Variants in CPO observed in about 807,000 individuals in gnomAD.
CPO encodes carboxypeptidase O.
In CPO, 43 loss-of-function variants were observed where a neutral mutation model predicts 41.2. The ratio of observed to expected loss-of-function variants is 1.04; its 90% CI spans 0.82 to 1.35. The LOEUF (loss-of-function observed/expected upper bound fraction) is 1.35, where lower values mean the gene tolerates loss of function less well. CPO is among the 40% of genes most tolerant of loss of function. The pLI, the probability that CPO is intolerant of heterozygous loss-of-function variation, is 0.00. For missense variants in CPO, 408 were observed against 451.7 expected (o/e 0.90, Z 0.88); for synonymous variants, 178 against 162.7 (o/e 1.09, Z -0.72).
intron 1 of CPO, among the ~76,000 whole-genome samples, chr2:206,946,620 C>A (rs1693150012): frequency 6.6e-6 from 1 of 151,686 alleles, no homozygotes; most frequent in African/African-American, 2.4e-5. Context: ...TGTAATAAGA[C>A]AAGAAAATAA....
At chr2:206,944,036 A>G (rs1271268643) in intron 1 of CPO, among the ~76,000 whole-genome samples, 1 of 152,088 alleles carries the variant, frequency 6.6e-6, no homozygotes, top group African/African-American at 2.4e-5. Context: ...TATTGTCTTA[A>G]GTAGATTTTT....
intron 6 of CPO, 108 bp downstream of exon 6, chr2:206,961,050 A>G: frequency 1.3e-6 from 1 of 786,226 alleles, no homozygotes; most frequent in South Asian, 1.6e-5. Flanking sequence ...AATATGGTAC[A>G]GCTTTCTGGG....
intron 7 of CPO, among the ~76,000 whole-genome samples, chr2:206,965,461 ATAC>A (rs545960754): frequency 3.4e-4 from 52 of 152,348 alleles, no homozygotes; most frequent in African/African-American, 1.2e-3. Flanking sequence ...GGTAAATATT[ATAC>A]TACATGATAG....
chr2:206,961,017 T>C, intron 6 of CPO, 75 bp downstream of exon 6: 1 of 1,078,812 alleles, frequency 9.3e-7, no homozygotes, highest in South Asian at 1.3e-5. Flanking sequence ...TTACTAAATG[T>C]ATAATTTTTG....
At chr2:206,952,777 C>A (rs1486286443) in intron 2 of CPO, among the ~76,000 whole-genome samples, 1 of 152,110 alleles carries the variant, frequency 6.6e-6, no homozygotes, top group East Asian at 1.9e-4. Flanking sequence ...TGTTCTCATG[C>A]TGCTGTAAGG....
At position 206,958,728 on chromosome 2, in the gene CPO, G is replaced by GTTT. The variant is rs752377148; in HGVS notation, c.372+351_372+353dup. Reference sequence around the variant, plus strand: ...CTAATAGTATTTGGCAAATTTTCTAGTTTTTTTTTTTTTTTTTTTTTTTTT... The same window carrying GTTT: ...CTAATAGTATTTGGCAAATTTTCTAGTTTTTTTTTTTTTTTTTTTTTTTTTTTT... On this transcript the variant is annotated intron_variant, in intron 4 of 8. Transcript: ENST00000272852. Among the ~76,000 whole-genome samples the GTTT allele has an allele frequency of 3.8e-3, 205 of 53,332 alleles. 17 individuals are homozygous for GTTT. Among genetic ancestry groups the GTTT allele is most frequent in the African/African-American group, 0.01 (147 of 14,624 alleles). The allele number at this position is 53,332 out of a possible 152,430, so 35.0% of individuals were successfully genotyped here. A position where few individuals can be genotyped will look rare whatever the true frequency, so the allele number is the denominator to read the frequency against.
At chr2:206,957,374 T>TC in intron 3 of CPO, among the ~76,000 whole-genome samples, 1 of 129,892 alleles carries the variant, frequency 7.7e-6, no homozygotes, top group Non-Finnish European at 1.7e-5. Context: ...AGACTCTGTC[T>TC]CAAAAAAAAA....
rs182126541 is a variant in CPO at position 206,959,872 on chromosome 2, G to A, written c.483+131G>A. On this transcript the variant is annotated intron_variant, in intron 5 of 8. Coordinates refer to ENST00000272852, the MANE Select transcript of CPO (RefSeq NM_173077.3). ...ATGTAAAGAAAGGAACCCCATTTGG[G>A]ATAAAAATCAGCTTAACATTTTTAA... 1.5e-3 allele frequency: 758 copies of A among 516,554 alleles called. 3 individuals carry two copies. The highest frequency in any genetic ancestry group is 5.5e-3 in the Middle Eastern group (16 of 2,924). 32.0% of individuals were successfully genotyped at this position (516,554 alleles called of 1,614,324 possible). A position where few individuals can be genotyped will look rare whatever the true frequency, so the allele number is the denominator to read the frequency against.
chr2:206,965,644 C>T (rs1693558861), intron 7 of CPO, among the ~76,000 whole-genome samples: 1 of 152,072 alleles, frequency 6.6e-6, no homozygotes, highest in South Asian at 2.1e-4. Context: ...CTCTGCTGCC[C>T]CCACCCCTAC....
chr2:206,946,701 G>A (rs1693152690), intron 1 of CPO, among the ~76,000 whole-genome samples: 1 of 152,106 alleles, frequency 6.6e-6, no homozygotes, highest in South Asian at 2.1e-4. Context: ...GATTATCAAT[G>A]TAGAAATCAG....
chr2:206,953,781 C>G (rs570123497), intron 2 of CPO, among the ~76,000 whole-genome samples: 40 of 152,372 alleles, frequency 2.6e-4, no homozygotes, highest in African/African-American at 9.1e-4. Context: ...CATGAGGGCT[C>G]TGCCCTTGCG....
chr2:206,958,734 T>G (rs1246394672), intron 4 of CPO, among the ~76,000 whole-genome samples: 10 of 138,550 alleles, frequency 7.2e-5, no homozygotes, highest in East Asian at 6.1e-4. Context: ...TCTAGTTTTT[T>G]TTTTTTTTTT....
Position 206,959,281 on chromosome 2 carries a change from C to A in CPO, c.373-350C>A, listed in dbSNP as rs954232684. ...TAAAGAGTAGTTCTCGGAGTGTTGTCCCCAGATCAACAGTATCAATACCAA... is the reference window on the plus strand; with the variant it reads ...TAAAGAGTAGTTCTCGGAGTGTTGTACCCAGATCAACAGTATCAATACCAA... On this transcript the variant is annotated intron_variant, in intron 4 of 8. Transcript: ENST00000272852. Among the ~76,000 whole-genome samples, 5 of 152,142 alleles carry A rather than the reference C, an allele frequency of 3.3e-5. No homozygotes were observed. The South Asian group carries it at 1.0e-3, about 32-fold the overall frequency.
At chr2:206,961,143 A>G (rs894459697) in intron 6 of CPO, among the ~76,000 whole-genome samples, 3 of 152,250 alleles carry the variant, frequency 2.0e-5, no homozygotes, top group African/African-American at 7.2e-5. Flanking sequence ...CAGGACTCCA[A>G]GTGAAGCTGG....
In CPO at chr2:206,966,304, A is replaced by C. The variant is rs553350425; in HGVS notation, c.778-1959A>C. ...TAGTCTGGTCTGATGCATATATCCC[A>C]ATGAAAGGTAAGGCCCCACATGGAC... is the stretch of plus-strand genomic sequence containing the variant. On this transcript the variant is annotated intron_variant, in intron 7 of 8. Coordinates refer to ENST00000272852, the MANE Select transcript of CPO (RefSeq NM_173077.3). Among the ~76,000 whole-genome samples the C allele has an allele frequency of 2.2e-3, 339 of 152,204 alleles. 1 individual carries two copies. Among genetic ancestry groups the C allele is most frequent in the Non-Finnish European group, 3.9e-3 (266 of 68,006 alleles).
At chr2:206,941,321 A>G (rs1693026288) in intron 1 of CPO, among the ~76,000 whole-genome samples, 1 of 152,106 alleles carries the variant, frequency 6.6e-6, no homozygotes. Flanking sequence ...AAACTTTTTA[A>G]TGGCATAGGA....
intron 1 of CPO, among the ~76,000 whole-genome samples, chr2:206,944,431 AC>A (rs1470269718): frequency 2.0e-5 from 3 of 152,110 alleles, no homozygotes; most frequent in East Asian, 1.9e-4. Flanking sequence ...ACTCTGAAGC[AC>A]CCTTGTTTAT....
intron 7 of CPO, among the ~76,000 whole-genome samples, chr2:206,967,345 A>G (rs1245523907): frequency 3.6e-5 from 4 of 110,392 alleles, no homozygotes; most frequent in Non-Finnish European, 7.5e-5. Flanking sequence ...ATATATATAT[A>G]TATATAGATA....
intron 7 of CPO, among the ~76,000 whole-genome samples, chr2:206,964,504 G>A (rs1422359919): frequency 6.6e-6 from 1 of 152,134 alleles, no homozygotes; most frequent in Admixed American, 6.5e-5. Flanking sequence ...GCCCAGGCTA[G>A]AACTCATGTC....
Sources: gnomAD v4.1 joint callset for allele counts (sites outside exome capture counted in the v4.1 genomes callset) on GRCh38, gnomAD v4.1.1 for gene constraint, MANE v1.5 for transcripts, NCBI Gene and HGNC (gene_info 2026-07-23, HGNC 2026-07-21) for gene names.